CUBN: variants seen among roughly 807,000 people sequenced by gnomAD.
CUBN encodes 460 kDa receptor.
CUBN carries 282 observed loss-of-function variants against 405.3 expected under a neutral mutation model. The observed-to-expected ratio is 0.70, with a 90% CI of 0.63 to 0.77. The LOEUF (loss-of-function observed/expected upper bound fraction) is 0.77, where lower values mean the gene tolerates loss of function less well. Among genes scored for constraint, CUBN ranks in the 30% least tolerant of loss-of-function variants. The pLI is 0.00. For missense variants in CUBN, 4,514 were observed against 4,475.2 expected (o/e 1.01, Z -0.25); for synonymous variants, 1,684 against 1,617.0 (o/e 1.04, Z -0.99).
At chr10:16,938,317 T>C (rs1842572811) in intron 38 of CUBN, among the ~76,000 whole-genome samples, 1 of 152,186 alleles carries the variant, frequency 6.6e-6, no homozygotes, top group Admixed American at 6.5e-5. Context: ...ATCTCCTACC[T>C]TTGGTTTTAA....
intron 15 of CUBN, among the ~76,000 whole-genome samples, chr10:17,087,472 C>CTTTGTTTTTTTTTTTTTTTT (rs1202786680): frequency 1.3e-4 from 9 of 71,732 alleles, no homozygotes; most frequent in African/African-American, 3.8e-4. Flanking sequence ...TTTTCTTTTT[C>CTTTGTTTTTTTTTTTTTTTT]TTTTTTTTTT....
intron 9 of CUBN, 88 bp downstream of exon 9, chr10:17,110,831 T>C: frequency 1.9e-6 from 3 of 1,591,716 alleles, no homozygotes; most frequent in South Asian, 2.2e-5. Flanking sequence ...CCAGAAATCA[T>C]ATTTTAAATG....
chr10:17,014,859 C>G (rs1564479152), intron 28 of CUBN, among the ~76,000 whole-genome samples: 1 of 152,186 alleles, frequency 6.6e-6, no homozygotes, highest in African/African-American at 2.4e-5. Context: ...GACGTGTGGT[C>G]TGTGGTATCC....
intron 58 of CUBN, among the ~76,000 whole-genome samples, chr10:16,870,884 C>T (rs944340476): frequency 6.6e-6 from 1 of 152,076 alleles, no homozygotes; most frequent in Admixed American, 6.6e-5. Context: ...TTTCAAATAA[C>T]GATTTCTAGA....
intron 48 of CUBN, among the ~76,000 whole-genome samples, chr10:16,909,633 T>C (rs1260466534): frequency 3.3e-5 from 5 of 152,248 alleles, no homozygotes; most frequent in Admixed American, 2.0e-4. Flanking sequence ...ATCCTGCCTC[T>C]GAGTCTGCCT....
intron 19 of CUBN, 141 bp downstream of exon 19, chr10:17,071,285 G>C: frequency 1.2e-6 from 1 of 846,996 alleles, no homozygotes; most frequent in Admixed American, 2.2e-5. Flanking sequence ...ATTTTGCTGA[G>C]GATTTTTACA....
In CUBN at chr10:17,105,633, G is replaced by C. The variant is rs574542336; in HGVS notation, c.1112-58C>G. On this transcript the variant is annotated intron_variant, in intron 10 of 66. Transcript: ENST00000377833. Reference sequence around the variant, plus strand: ...AGGTCTCCTCCTCTGTTCGGATGCAGTATCTAAACTCAGAATCTGCTGTCT... The same window carrying C: ...AGGTCTCCTCCTCTGTTCGGATGCACTATCTAAACTCAGAATCTGCTGTCT... 18 of 933,398 alleles carry C rather than the reference G, an allele frequency of 1.9e-5. No individual in the cohort carries two copies. In the East Asian group the frequency reaches 4.3e-4, roughly 22 times the overall value. The allele number at this position is 933,398 out of a possible 1,614,324, so 57.8% of individuals were successfully genotyped here. A position where few individuals can be genotyped will look rare whatever the true frequency, so the allele number is the denominator to read the frequency against.
At position 16,904,063 on chromosome 10, in the gene CUBN, T is replaced by G; in HGVS notation, c.7965A>C (p.Thr2655=). 1 of 1,613,570 alleles carries G rather than the reference T, an allele frequency of 6.2e-7. No individual in the cohort carries two copies. Among genetic ancestry groups the G allele is most frequent in the Admixed American group, 1.7e-5 (1 of 60,000 alleles). Reference sequence around the variant, plus strand: ...GAGAATAAGGTATAACCAATGGCAATGTAGGCTTTGAAGGACCACAAAGTC... The same window carrying G: ...GAGAATAAGGTATAACCAATGGCAAGGTAGGCTTTGAAGGACCACAAAGTC... ...MWRLCGPSKP[T]LPLVIPYSQV... The change falls in exon 51 of 67, where the codon ACA becomes ACC. Residue 2655 remains threonine (T), a synonymous_variant. Coordinates refer to ENST00000377833, the MANE Select transcript of CUBN (RefSeq NM_001081.4).
At chr10:17,058,662 T>C (rs1337408873) in intron 22 of CUBN, among the ~76,000 whole-genome samples, 1 of 152,074 alleles carries the variant, frequency 6.6e-6, no homozygotes, top group African/African-American at 2.4e-5. Context: ...TAAAAACCCC[T>C]CTTAACTATC....
At chr10:17,058,276 TC>T (rs1204001906) in intron 22 of CUBN, among the ~76,000 whole-genome samples, 1 of 152,014 alleles carries the variant, frequency 6.6e-6, no homozygotes, top group African/African-American at 2.4e-5. Flanking sequence ...AACACGAGGA[TC>T]CCTTCTGGAG....
In CUBN at chr10:16,915,839, A is replaced by G; in HGVS notation, c.7192T>C (p.Trp2398Arg). The G allele has an allele frequency of 6.2e-7, 1 of 1,613,368 alleles. No homozygotes were observed. Among genetic ancestry groups the G allele is most frequent in the Non-Finnish European group, 8.5e-7 (1 of 1,179,884 alleles). ...TACTAACCAGAGGTATGATTGTCCC[A>G]GATCTCCACGAAGTCTTTTTCACAG... is the stretch of plus-strand genomic sequence containing the variant. ...SGCEKDFVEI[W>R]DNHTSGNILG... Residue 2398 changes from tryptophan (W) to arginine (R), a missense_variant, in exon 46 of 67, where the codon TGG (tryptophan) becomes CGG (arginine). Trp to Arg is a moderately radical substitution (Grantham distance 101, BLOSUM62 -3). Around this residue, in one of 5 missense-constraint regions of CUBN, gnomAD observed 1,613 missense variants for 1,542.8 expected, o/e 1.05. Coordinates refer to ENST00000377833, the MANE Select transcript of CUBN (RefSeq NM_001081.4).
intron 43 of CUBN, among the ~76,000 whole-genome samples, chr10:16,925,011 G>A (rs796968110): frequency 4.6e-5 from 7 of 152,136 alleles, no homozygotes; most frequent in African/African-American, 1.7e-4. Flanking sequence ...TTAGGTATGT[G>A]GCCTTGGAAA....
intron 27 of CUBN, among the ~76,000 whole-genome samples, chr10:17,027,037 T>C (rs1381776394): frequency 2.0e-5 from 3 of 152,262 alleles, no homozygotes; most frequent in Non-Finnish European, 4.4e-5. Context: ...GTTACAGGTC[T>C]GTCTCATATA....
chr10:16,954,433 C>T lies in CUBN; in HGVS notation c.4811G>A (p.Gly1604Asp). 2 of 1,614,120 alleles carry T rather than the reference C, an allele frequency of 1.2e-6. No individual in the cohort carries two copies. Among genetic ancestry groups the T allele is most frequent in the South Asian group, 1.1e-5 (1 of 91,078 alleles). Residue 1604 changes from glycine to aspartate, a missense_variant, in exon 32 of 67, where the codon GGC becomes GAC. Physicochemically the swap from Gly to Asp is moderately conservative, Grantham distance 94 (BLOSUM62 -1). Transcript: ENST00000377833. Reference sequence around the variant, plus strand: ...GAAGCCTCTGTTCTGTCTGGAAGGGCCAGACTGAAATCTCAAGAAGAGGCT... The same window carrying T: ...GAAGCCTCTGTTCTGTCTGGAAGGGTCAGACTGAAATCTCAAGAAGAGGCT... ...GNSLFLRFQS[G>D]PSRQNRGFRA... is the part of the protein sequence containing the mutation.
rs576154570 is a variant in CUBN at position 17,065,098 on chromosome 10, C to T, written c.3139+410G>A. 5.5e-4 allele frequency among the ~76,000 whole-genome samples: 82 copies of T among 149,478 alleles called. 1 individual carries two copies. In the South Asian group the frequency reaches 0.015, roughly 27 times the overall value. On this transcript the variant is annotated intron_variant, in intron 22 of 66. Coordinates refer to ENST00000377833, the MANE Select transcript of CUBN (RefSeq NM_001081.4). The stretch of plus-strand genomic sequence containing the variant: ...AGATTTATTATGTATTTGTATTCTG[C>T]TCCCATTACTTTATCATTTCTCTCT...
intron 31 of CUBN, among the ~76,000 whole-genome samples, chr10:16,973,982 T>C (rs1326985037): frequency 1.3e-5 from 2 of 152,184 alleles, no homozygotes; most frequent in Non-Finnish European, 2.9e-5. Flanking sequence ...GACTTCTAAG[T>C]GCATTTCTGC....
chr10:16,961,351 CCA>C lies in CUBN; in HGVS notation c.4696-6805_4696-6804del, dbSNP rs1282242889. 2.6e-5 allele frequency among the ~76,000 whole-genome samples: 4 copies of C among 152,340 alleles called. No homozygotes were observed. In the East Asian group the frequency reaches 7.7e-4, roughly 29 times the overall value. On this transcript the variant is annotated intron_variant, in intron 31 of 66. Coordinates refer to ENST00000377833, the MANE Select transcript of CUBN (RefSeq NM_001081.4). ...AAAGTGCTGGGATTATAGGCATGAG[CCA>C]CAGTGCCCGGCCTTAATTTTCATAC...
At chr10:16,863,947 G>A (rs558813100) in intron 59 of CUBN, among the ~76,000 whole-genome samples, 6 of 152,170 alleles carry the variant, frequency 3.9e-5, no homozygotes, top group African/African-American at 4.8e-5. Flanking sequence ...AGTGTGATCC[G>A]GTATTCCTAA....
chr10:16,884,544 T>C (rs1253037316), intron 56 of CUBN, among the ~76,000 whole-genome samples: 1 of 152,192 alleles, frequency 6.6e-6, no homozygotes, highest in Non-Finnish European at 1.5e-5. Context: ...TGGTCTGTAG[T>C]TCATGGAATG....
Sources: allele counts gnomAD v4.1 joint callset (sites outside exome capture counted in the v4.1 genomes callset), GRCh38; gene constraint gnomAD v4.1.1; regional missense constraint gnomAD v4.1.1; transcripts MANE v1.5; gene names NCBI Gene and HGNC (gene_info 2026-07-23, HGNC 2026-07-21).